PEAK1: variants seen among roughly 807,000 people sequenced by gnomAD.
The protein encoded by PEAK1 is pseudopodium enriched atypical kinase 1.
Under a neutral mutation model 124.7 loss-of-function variants are expected in PEAK1, and 54 were observed. That is an observed-to-expected ratio of 0.43 (90% confidence interval 0.35 to 0.54). The LOEUF (loss-of-function observed/expected upper bound fraction) is 0.54, where lower values mean the gene tolerates loss of function less well. PEAK1 is among the 20% of genes least tolerant of loss of function. PEAK1 has a pLI of 0.01. For missense variants in PEAK1, 2,046 were observed against 2,134.5 expected, an observed-to-expected ratio of 0.96 and a Z score of 0.82; for synonymous variants, 719 against 760.0, an observed-to-expected ratio of 0.95 and a Z score of 0.89.
intron 2 of PEAK1, among the ~76,000 whole-genome samples, chr15:77,353,870 G>T (rs925715159): frequency 5.3e-5 from 8 of 152,182 alleles, no homozygotes; most frequent in African/African-American, 1.7e-4. Flanking sequence ...ATGCAGAAAA[G>T]AAAAATCTCA....
At chr15:77,365,260 T>G (rs948275223) in intron 1 of PEAK1, 35 bp from the exon 2 acceptor site, 21 of 888,972 alleles carry the variant, frequency 2.4e-5, no homozygotes, top group Non-Finnish European at 2.8e-5. Context: ...AAAGACATGG[T>G]CAATATGGTT....
intron 6 of PEAK1, among the ~76,000 whole-genome samples, chr15:77,236,670 C>A (rs537524919): frequency 6.6e-6 from 1 of 152,160 alleles, no homozygotes; most frequent in South Asian, 2.1e-4. Context: ...AATGTGAGGA[C>A]ATGAAATTTG....
rs761514305 is a variant in PEAK1, at chr15:77,181,436, T to C, written c.491A>G (p.Gln164Arg). 1 of 1,614,054 alleles carries C rather than the reference T, an allele frequency of 6.2e-7. No homozygotes were observed. The highest frequency in any genetic ancestry group is 8.5e-7 in the Non-Finnish European group (1 of 1,180,026). ...KEIAGLDTAP[Q>R]IRGNETNSRE... ...GGAGTTTGTTTCATTTCCTCTTATCTGAGGGGCAGTATCCAAGCCTGCTAT... is the reference window on the plus strand; with the variant it reads ...GGAGTTTGTTTCATTTCCTCTTATCCGAGGGGCAGTATCCAAGCCTGCTAT... The change falls in exon 7 of 10, where the codon CAG becomes CGG. Residue 164 changes from glutamine (Q) to arginine (R), a missense_variant. By Grantham distance (43) the Gln-to-Arg change is conservative. Transcript: ENST00000682557.
intron 1 of PEAK1, among the ~76,000 whole-genome samples, chr15:77,392,231 C>G (rs1455199830): frequency 6.6e-6 from 1 of 152,102 alleles, no homozygotes; most frequent in Admixed American, 6.5e-5. Context: ...ATAATAGAAC[C>G]ACTGGTGGGA....
rs774404345 is a variant in PEAK1, at chr15:77,179,053, T to C, written c.2874A>G (p.Thr958=). The C allele has an allele frequency of 1.2e-6, 2 of 1,614,192 alleles. No individual in the cohort carries two copies. Among genetic ancestry groups the C allele is most frequent in the Admixed American group, 3.3e-5 (2 of 60,006 alleles). The change falls in exon 7 of 10, where the codon ACA becomes ACG. Residue 958 remains threonine, a synonymous_variant. Coordinates refer to ENST00000682557, the MANE Select transcript of PEAK1 (RefSeq NM_001385026.1). ...GAGGAGGAGGCAGCATGTGAATGAC[T>C]GTGCCATCCAGGCCCACCAGTTTCC... is the stretch of plus-strand genomic sequence containing the variant. The part of the protein sequence containing the change: ...EKGKLVGLDG[T]VIHMLPPPPV...
chr15:77,138,397 C>T (rs143708907), intron 8 of PEAK1, among the ~76,000 whole-genome samples: 15 of 152,264 alleles, frequency 9.9e-5, no homozygotes, highest in African/African-American at 3.6e-4. Context: ...TTTATATATA[C>T]TGTATACTTA....
intron 1 of PEAK1, among the ~76,000 whole-genome samples, chr15:77,378,279 A>G (rs1355664553): frequency 6.6e-6 from 1 of 151,578 alleles, no homozygotes; most frequent in Non-Finnish European, 1.5e-5. Flanking sequence ...GGCCAACCAC[A>G]TGACAATTTT....
chr15:77,353,060 T>C, intron 2 of PEAK1: 1 of 914,598 alleles, frequency 1.1e-6, no homozygotes, highest in Non-Finnish European at 1.3e-6. Flanking sequence ...TGAGGCCAAT[T>C]TCCATCCAGC....
intron 1 of PEAK1, 117 bp from the exon 2 acceptor site, chr15:77,365,342 T>C (rs1179234296): frequency 1.9e-5 from 4 of 206,376 alleles, no homozygotes; most frequent in African/African-American, 2.4e-5. Flanking sequence ...AATTTTTACG[T>C]CCAAGCTGTT....
At chr15:77,155,071 C>A (rs2152778491) in intron 8 of PEAK1, 1 of 152,358 alleles carries the variant, frequency 6.6e-6, no homozygotes, top group East Asian at 1.9e-4. Flanking sequence ...TAATATCCTG[C>A]AGAGTGTTTT....
At chr15:77,275,246 CTCATAAATCACCACTAAAGAACTTAT>C in intron 5 of PEAK1, among the ~76,000 whole-genome samples, 1 of 152,292 alleles carries the variant, frequency 6.6e-6, no homozygotes, top group South Asian at 2.1e-4. Flanking sequence ...GCACCAAAAT[CTCATAAATCACCACTAAAGAACTTAT>C]TCATGTAACC....
intron 9 of PEAK1, 30 bp from the exon 10 acceptor site, chr15:77,115,349 A>C (rs751774249): frequency 4.2e-5 from 67 of 1,576,898 alleles, no homozygotes; most frequent in Middle Eastern, 1.7e-4. Flanking sequence ...TTCAAAACTC[A>C]CACTCTCATA....
chr15:77,180,639 C>T lies in PEAK1; in HGVS notation c.1288G>A (p.Val430Ile), dbSNP rs554138904. ...TTACTTTCTTCCTTCTCAGTTTGTA[C>T]AGCAATCTTGCCATCTTTCTCTTCT... ...RLEEKDGKIA[V>I]QTEKEESKAS... Residue 430 changes from valine to isoleucine, a missense_variant, in exon 7 of 10, where the codon GTA becomes ATA. Physicochemically the swap from Val to Ile is conservative, Grantham distance 29 (BLOSUM62 3). Transcript: ENST00000682557. 3 of 1,614,170 alleles carry T rather than the reference C, an allele frequency of 1.9e-6. No individual in the cohort carries two copies. Among genetic ancestry groups the T allele is most frequent in the South Asian group, 2.2e-5 (2 of 91,084 alleles).
At chr15:77,278,043 T>C (rs1381940664) in intron 5 of PEAK1, among the ~76,000 whole-genome samples, 1 of 152,108 alleles carries the variant, frequency 6.6e-6, no homozygotes, top group African/African-American at 2.4e-5. Context: ...GGTTCATCAA[T>C]TGTAGCAAAT....
intron 7 of PEAK1, among the ~76,000 whole-genome samples, chr15:77,161,956 ACT>A (rs34057276): frequency 0.1 from 11,176 of 111,628 alleles, 536 homozygotes; most frequent in Admixed American, 0.13. Flanking sequence ...ACAGAGTGAG[ACT>A]CTGTCTCAAA....
intron 6 of PEAK1, among the ~76,000 whole-genome samples, chr15:77,236,857 C>A (rs901271142): frequency 1.3e-5 from 2 of 152,140 alleles, no homozygotes; most frequent in Non-Finnish European, 2.9e-5. Flanking sequence ...CTCATGAGAT[C>A]TGATGGTTTT....
chr15:77,277,872 C>A (rs977160281), intron 5 of PEAK1, among the ~76,000 whole-genome samples: 1 of 152,028 alleles, frequency 6.6e-6, no homozygotes, highest in African/African-American at 2.4e-5. Context: ...GATGAATAGG[C>A]AGAATGCACA....
intron 1 of PEAK1, chr15:77,419,474 G>C: frequency 1.0e-6 from 1 of 985,250 alleles, no homozygotes; most frequent in Non-Finnish European, 1.2e-6. Flanking sequence ...CCCAGCCGCG[G>C]CGCGAAGGGA....
In PEAK1 at chr15:77,115,178, C is replaced by T; in HGVS notation, c.4219G>A (p.Asp1407Asn). 1.2e-6 allele frequency: 2 copies of T among 1,614,128 alleles called. No homozygotes were observed. The highest frequency in any genetic ancestry group is 8.5e-7 in the Non-Finnish European group (1 of 1,180,012). ...EVPNRLLPWE[D>N]PDDPEKDEDD... ...TCATCCTTTTCAGGGTCATCTGGAT[C>T]CTCCCAGGGAAGCAGACGGTTAGGG... The change falls in exon 10 of 10, where the codon GAT (aspartate) becomes AAT (asparagine). Residue 1407 changes from aspartate to asparagine, a missense_variant. Physicochemically the swap from Asp to Asn is conservative, Grantham distance 23. Coordinates refer to ENST00000682557, the MANE Select transcript of PEAK1 (RefSeq NM_001385026.1).
Sources: allele counts gnomAD v4.1 joint callset (sites outside exome capture counted in the v4.1 genomes callset), GRCh38; gene constraint gnomAD v4.1.1; transcripts MANE v1.5; gene names NCBI Gene and HGNC (gene_info 2026-07-23, HGNC 2026-07-21).